MICU1: variants seen among roughly 807,000 people sequenced by gnomAD.
MICU1 encodes the protein calcium uptake protein 1, mitochondrial.
MICU1 carries 45 observed loss-of-function variants against 56.8 expected under a neutral mutation model. The observed-to-expected ratio is 0.79, with a 90% confidence interval of 0.62 to 1.02. The LOEUF (loss-of-function observed/expected upper bound fraction) is 1.02. MICU1 is among the 50% of genes least tolerant of loss of function. The pLI is 0.00. For synonymous variants in MICU1, 186 were observed against 195.1 expected, an observed-to-expected ratio of 0.95 and a Z score of 0.39; for missense variants, 504 against 587.1, an observed-to-expected ratio of 0.86 and a Z score of 1.46.
intron 4 of MICU1, among the ~76,000 whole-genome samples, chr10:72,543,287 C>G (rs1839817719): frequency 6.6e-6 from 1 of 152,094 alleles, no homozygotes; most frequent in South Asian, 2.1e-4. Context: ...AACATTAGTG[C>G]AAAAATGTTT....
At chr10:72,456,946 GGTGTGTGTGTGTGT>G (rs71018292) in intron 8 of MICU1, among the ~76,000 whole-genome samples, 16 of 117,696 alleles carry the variant, frequency 1.4e-4, no homozygotes, top group Non-Finnish European at 1.9e-4. Flanking sequence ...ATATTGCCCA[GGTGTGTGTGTGTGT>G]GTGTGTGTGT....
intron 3 of MICU1, among the ~76,000 whole-genome samples, chr10:72,560,027 A>T (rs1840253686): frequency 6.6e-6 from 1 of 152,160 alleles, no homozygotes; most frequent in Admixed American, 6.5e-5. Context: ...CTGCAGGAAA[A>T]CTGTCTTCCA....
At chr10:72,390,905 T>C (rs975571261) in intron 10 of MICU1, among the ~76,000 whole-genome samples, 1 of 152,272 alleles carries the variant, frequency 6.6e-6, no homozygotes, top group Non-Finnish European at 1.5e-5. Flanking sequence ...ACCCTGTGCC[T>C]AGCACAGTAC....
chr10:72,514,502 GTTGT>G (rs1355524212), intron 5 of MICU1, among the ~76,000 whole-genome samples: 4 of 152,146 alleles, frequency 2.6e-5, no homozygotes, highest in Non-Finnish European at 5.9e-5. Flanking sequence ...GTGGGTTGTA[GTTGT>G]TTGTTTAATG....
intron 3 of MICU1, among the ~76,000 whole-genome samples, chr10:72,553,361 G>C (rs969375059): frequency 1.3e-5 from 2 of 151,334 alleles, no homozygotes; most frequent in Non-Finnish European, 2.9e-5. Context: ...AGCCTCCCTA[G>C]TAGCTGGGAC....
At chr10:72,493,038 A>C (rs2132308295) in intron 6 of MICU1, among the ~76,000 whole-genome samples, 1 of 152,240 alleles carries the variant, frequency 6.6e-6, no homozygotes, top group South Asian at 2.1e-4. Flanking sequence ...AATGACTTGA[A>C]CCTAGGAGGC....
Position 72,368,212 on chromosome 10 carries a change from CG to C in MICU1, c.1413del (p.Phe471LeufsTer39). ...GTGTGGGGTTACTGTTTGGGTAAAG[CG>C]AAGTCCCAGGCAGTTTCCTGTGCAC... ...WKCAQETAWD[F>X]ALPKQ On this transcript the variant is annotated frameshift_variant, in exon 12 of 12. Coordinates refer to ENST00000361114, the MANE Select transcript of MICU1 (RefSeq NM_001195518.2). LOFTEE classifies it high-confidence loss of function. 6.2e-7 allele frequency: 1 copy of C among 1,612,950 alleles called. No homozygotes were observed. The highest frequency in any genetic ancestry group is 1.3e-5 in the African/African-American group (1 of 74,998).
intron 10 of MICU1, among the ~76,000 whole-genome samples, chr10:72,379,123 G>C (rs549814201): frequency 6.6e-6 from 1 of 152,258 alleles, no homozygotes; most frequent in South Asian, 2.1e-4. Flanking sequence ...ACTTATTCCT[G>C]CTAACTAAAC....
At chr10:72,615,646 C>T (rs1302493443) in intron 1 of MICU1, among the ~76,000 whole-genome samples, 1 of 152,012 alleles carries the variant, frequency 6.6e-6, no homozygotes, top group Non-Finnish European at 1.5e-5. Context: ...TTTCCATCTC[C>T]GAAAGTTCAG....
chr10:72,480,682 C>T (rs1866266893), intron 6 of MICU1, among the ~76,000 whole-genome samples: 2 of 152,214 alleles, frequency 1.3e-5, no homozygotes, highest in Admixed American at 6.5e-5. Context: ...AGTCAATATG[C>T]TCCCATACAT....
intron 6 of MICU1, among the ~76,000 whole-genome samples, chr10:72,495,073 CA>C (rs1342267675): frequency 2.6e-5 from 4 of 152,082 alleles, no homozygotes; most frequent in Admixed American, 2.6e-4. Context: ...TCAGTGATGT[CA>C]AAAAGCTTGG....
chr10:72,427,429 C>T (rs1864379894), intron 8 of MICU1, among the ~76,000 whole-genome samples: 1 of 152,078 alleles, frequency 6.6e-6, no homozygotes, highest in African/African-American at 2.4e-5. Context: ...AGAATAGAAG[C>T]ACAGTAAAAG....
rs2097445897 is a variant in MICU1 at position 72,413,958 on chromosome 10, T to G, written c.1072-5921A>C. Among the ~76,000 whole-genome samples, 4 of 152,276 alleles carry G rather than the reference T, an allele frequency of 2.6e-5. No individual in the cohort carries two copies. The South Asian group carries it at 8.3e-4, about 32-fold the overall frequency. On this transcript the variant is annotated intron_variant, in intron 9 of 11. Coordinates refer to ENST00000361114, the MANE Select transcript of MICU1 (RefSeq NM_001195518.2). ...CACTACACACCTATTGGAATGACTG[T>G]AATAAAGAAGACAGACAATAACAGG...
intron 8 of MICU1, among the ~76,000 whole-genome samples, chr10:72,469,224 A>G (rs915503235): frequency 6.6e-6 from 1 of 152,236 alleles, no homozygotes; most frequent in East Asian, 1.9e-4. Context: ...TGACAGATAA[A>G]TAGCACTCTC....
At chr10:72,489,441 G>A (rs761470315) in intron 6 of MICU1, among the ~76,000 whole-genome samples, 1 of 152,072 alleles carries the variant, frequency 6.6e-6, no homozygotes, top group Non-Finnish European at 1.5e-5. Flanking sequence ...GTTTATTTAC[G>A]TGGCCAATAA....
At chr10:72,548,986 C>T (rs778125106) in intron 4 of MICU1, among the ~76,000 whole-genome samples, 6 of 152,030 alleles carry the variant, frequency 3.9e-5, no homozygotes, top group East Asian at 3.9e-4. Context: ...CATGAGCTAC[C>T]GCACCTGGCC....
At position 72,594,971 on chromosome 10, in the gene MICU1, A is replaced by G. The variant is rs562546693; in HGVS notation, c.-1-28177T>C. The stretch of plus-strand genomic sequence containing the variant: ...CCAATGAAAAATGAGAAAACATCAA[A>G]AAGAAAATCGAATACAAGACTTAGG... On this transcript the variant is annotated intron_variant, in intron 1 of 11. Transcript: ENST00000361114. Among the ~76,000 whole-genome samples the G allele has an allele frequency of 3.3e-5, 5 of 151,528 alleles. No homozygotes were observed. In the South Asian group the frequency reaches 8.3e-4, roughly 25 times the overall value.
intron 1 of MICU1, among the ~76,000 whole-genome samples, chr10:72,602,352 G>A (rs1564957663): frequency 6.6e-6 from 1 of 151,892 alleles, no homozygotes; most frequent in African/African-American, 2.4e-5. Context: ...TCGGGAGGCT[G>A]AGGCAGAAGA....
rs188411078 is a variant in MICU1 at position 72,596,943 on chromosome 10, T to C, written c.-2+29067A>G. ...AAACCCTGATGTAAACTATGGACTT[T>C]AGTTAATAATAATGTTTCAATATTG... On this transcript the variant is annotated intron_variant, in intron 1 of 11. Transcript: ENST00000361114. Among the ~76,000 whole-genome samples the C allele has an allele frequency of 4.5e-4, 68 of 151,890 alleles. No homozygotes were observed. In the East Asian group the frequency reaches 8.9e-3, roughly 20 times the overall value.
Sources: allele counts gnomAD v4.1 joint callset (sites outside exome capture counted in the v4.1 genomes callset), GRCh38; gene constraint gnomAD v4.1.1; transcripts MANE v1.5; gene names NCBI Gene and HGNC (gene_info 2026-07-23, HGNC 2026-07-21).